RBFOX1: variants seen among roughly 807,000 people sequenced by gnomAD.
RBFOX1 encodes the protein RNA binding protein fox-1 homolog 1.
Under a neutral mutation model 57.7 loss-of-function variants are expected in RBFOX1, and 8 were observed. The ratio of observed to expected loss-of-function variants is 0.14; its 90% CI spans 0.08 to 0.25. RBFOX1 has a LOEUF of 0.25. Among genes scored for constraint, RBFOX1 ranks in the 10% least tolerant of loss-of-function variants. RBFOX1 has a pLI of 1.00. For missense variants in RBFOX1, 611 were observed against 548.5 expected (o/e 1.11, Z -1.14); for synonymous variants, 326 against 222.4 (o/e 1.47, Z -4.15).
intron 1 of RBFOX1, among the ~76,000 whole-genome samples, chr16:5,436,781 C>T (rs966996874): frequency 2.0e-5 from 3 of 151,762 alleles, no homozygotes; most frequent in Non-Finnish European, 4.4e-5. Context: ...GAGGTTGCAG[C>T]GAGCTGAGAT....
intron 3 of RBFOX1, among the ~76,000 whole-genome samples, chr16:5,682,501 G>A (rs1314563229): frequency 6.6e-6 from 1 of 152,114 alleles, no homozygotes; most frequent in Non-Finnish European, 1.5e-5. Context: ...TATTACTTTC[G>A]GTGGAAGAGA....
intron 4 of RBFOX1, among the ~76,000 whole-genome samples, chr16:7,223,904 T>G (rs1372417905): frequency 6.6e-6 from 1 of 151,888 alleles, no homozygotes; most frequent in African/African-American, 2.4e-5. Flanking sequence ...ACCTTACAGT[T>G]TAATTGTACC....
At chr16:7,656,613 T>C (rs2066371620) in intron 12 of RBFOX1, among the ~76,000 whole-genome samples, 2 of 152,218 alleles carry the variant, frequency 1.3e-5, no homozygotes, top group African/African-American at 2.4e-5. Context: ...TCTAAATTCC[T>C]TTGGAGGAAA....
At chr16:6,582,862 GAGCTACAGTTCCAGCTGGTTTTCTA>G (rs2097556259) in intron 2 of RBFOX1, among the ~76,000 whole-genome samples, 1 of 139,874 alleles carries the variant, frequency 7.1e-6, no homozygotes, top group South Asian at 2.3e-4. Flanking sequence ...AGAAACAACT[GAGCTACAGTTCCAGCTGGTTTTCTA>G]AGCTACAGTT....
rs138223682 is a variant in RBFOX1 at position 5,737,430 on chromosome 16, G to C, written c.319-129873G>C. 3.6e-3 allele frequency among the ~76,000 whole-genome samples: 554 copies of C among 152,110 alleles called. 3 individuals carry two copies. The highest frequency in any genetic ancestry group is 0.026 in the East Asian group (133 of 5,162). ...GAACCTAGGAGGTGGAGGTTGCAGTGAGTCGAGATCATGCTGCTACACTGC... is the reference window on the plus strand; with the variant it reads ...GAACCTAGGAGGTGGAGGTTGCAGTCAGTCGAGATCATGCTGCTACACTGC... On this transcript the variant is annotated intron_variant, in intron 3 of 19. Coordinates refer to the RBFOX1 transcript ENST00000641259.
chr16:6,706,791 G>A lies in RBFOX1; in HGVS notation c.-16+52141G>A, dbSNP rs181294953. The stretch of plus-strand genomic sequence containing the variant: ...ACGGCCAGAGCTGACATATTCTTAG[G>A]AATAACAGAAAATTGTCCTGTTTAG... On this transcript the variant is annotated intron_variant, in intron 3 of 15. Coordinates refer to ENST00000550418, the MANE Select transcript of RBFOX1 (RefSeq NM_018723.4). 2.9e-3 allele frequency among the ~76,000 whole-genome samples: 432 copies of A among 150,976 alleles called. 1 individual carries two copies. The highest frequency in any genetic ancestry group is 4.6e-3 in the Non-Finnish European group (310 of 67,900).
Position 7,436,886 on chromosome 16 carries a change from G to GC in RBFOX1, c.28-81257dup, listed in dbSNP as rs373792169. 5.3e-3 allele frequency among the ~76,000 whole-genome samples: 800 copies of GC among 152,116 alleles called. 11 individuals carry two copies. Among genetic ancestry groups the GC allele is most frequent in the African/African-American group, 0.019 (773 of 41,490 alleles). On this transcript the variant is annotated intron_variant, in intron 4 of 15. Transcript: ENST00000550418. ...AGACCAGCCTGGCAAATATGGCGAAGCCCCATCACTACTAAAAATACAAAA... is the reference window on the plus strand; with the variant it reads ...AGACCAGCCTGGCAAATATGGCGAAGCCCCCATCACTACTAAAAATACAAAA...
At chr16:6,526,854 A>C (rs1259249834) in intron 2 of RBFOX1, among the ~76,000 whole-genome samples, 31 of 138,460 alleles carry the variant, frequency 2.2e-4, no homozygotes, top group African/African-American at 7.2e-4. Flanking sequence ...AAAAAAAAAA[A>C]AAAAACAACC....
intron 3 of RBFOX1, among the ~76,000 whole-genome samples, chr16:6,936,936 C>T (rs2077465954): frequency 9.2e-6 from 1 of 108,370 alleles, no homozygotes; most frequent in African/African-American, 3.8e-5. Context: ...CTCATTGGGA[C>T]TGTTGTGGGG....
Position 6,019,644 on chromosome 16 carries a change from C to T in RBFOX1, c.-475C>T. The T allele has an allele frequency of 7.7e-7, 1 of 1,295,936 alleles. No homozygotes were observed. Among genetic ancestry groups the T allele is most frequent in the Non-Finnish European group, 9.8e-7 (1 of 1,021,754 alleles). The allele number at this position is 1,295,936 out of a possible 1,614,324, so 80.3% of individuals were successfully genotyped here. On this transcript the variant is annotated 5_prime_UTR_variant, in exon 1 of 16. Coordinates refer to ENST00000550418, the MANE Select transcript of RBFOX1 (RefSeq NM_018723.4). The surrounding 1 kb of genome is among the most constrained non-coding windows in gnomAD (Gnocchi z 4.2). Reference sequence around the variant, plus strand: ...GCACCCCACATCTGGAGGGGACAGCCAGCCGTGGGCCCCGCCCCGGCGTCC... The same window carrying T: ...GCACCCCACATCTGGAGGGGACAGCTAGCCGTGGGCCCCGCCCCGGCGTCC...
intron 14 of RBFOX1, among the ~76,000 whole-genome samples, chr16:7,705,463 C>G (rs1355237768): frequency 6.6e-6 from 1 of 151,456 alleles, no homozygotes; most frequent in Non-Finnish European, 1.5e-5. Context: ...CAAGATTGTG[C>G]CACTGCACTC....
intron 2 of RBFOX1, among the ~76,000 whole-genome samples, chr16:6,565,526 G>A (rs573310354): frequency 5.3e-5 from 8 of 151,786 alleles, no homozygotes; most frequent in South Asian, 4.2e-4. Context: ...CAAAGTGCTC[G>A]GATTACAGGT....
chr16:6,017,126 A>T (rs186318970), upstream of RBFOX1, among the ~76,000 whole-genome samples: 1 of 152,224 alleles, frequency 6.6e-6, no homozygotes, highest in African/African-American at 2.4e-5. Flanking sequence ...ATATGTATTA[A>T]AAATAATCAA....
At position 5,982,278 on chromosome 16, in the gene RBFOX1, T is replaced by G. The variant is rs2060189591; in HGVS notation, c.351+114943T>G. On this transcript the variant is annotated intron_variant, in intron 4 of 19. Coordinates refer to the RBFOX1 transcript ENST00000641259. ...TAGGGCCTTTGCACATGAATTTTTTTTTTTCTTTTTTTTGAGATGGAGTCT... is the reference window on the plus strand; with the variant it reads ...TAGGGCCTTTGCACATGAATTTTTTGTTTTCTTTTTTTTGAGATGGAGTCT... Among the ~76,000 whole-genome samples the G allele has an allele frequency of 2.0e-5, 3 of 152,046 alleles. No homozygotes were observed. The South Asian group carries it at 6.2e-4, about 32-fold the overall frequency.
At chr16:6,889,308 G>C (rs1020221690) in intron 3 of RBFOX1, among the ~76,000 whole-genome samples, 2 of 152,176 alleles carry the variant, frequency 1.3e-5, no homozygotes, top group Non-Finnish European at 2.9e-5. Context: ...ATAGGTGATG[G>C]ATGTCACTTT....
At chr16:7,206,483 A>G (rs777355681) in intron 4 of RBFOX1, among the ~76,000 whole-genome samples, 9 of 149,182 alleles carry the variant, frequency 6.0e-5, no homozygotes, top group Non-Finnish European at 1.2e-4. Flanking sequence ...GTGCATATAT[A>G]TATGCACACA....
intron 7 of RBFOX1, among the ~76,000 whole-genome samples, chr16:7,590,694 G>A (rs1224564752): frequency 2.0e-5 from 3 of 151,648 alleles, no homozygotes; most frequent in Non-Finnish European, 2.9e-5. Flanking sequence ...ACCTTGTCTT[G>A]ACTAAAAATA....
Position 7,679,334 on chromosome 16 carries a change from T to C in RBFOX1, c.995+2496T>C, listed in dbSNP as rs569906925. Among the ~76,000 whole-genome samples, 23 of 152,336 alleles carry C rather than the reference T, an allele frequency of 1.5e-4. No homozygotes were observed. In the South Asian group the frequency reaches 4.6e-3, roughly 30 times the overall value. ...GAAGTAGCAATTGTGTAACCAATTA[T>C]TTTTATATCATCACAGCATAGAATC... On this transcript the variant is annotated intron_variant, in intron 14 of 15. Transcript: ENST00000550418.
chr16:5,990,671 G>C (rs1026149819), intron 4 of RBFOX1, among the ~76,000 whole-genome samples: 3 of 152,096 alleles, frequency 2.0e-5, no homozygotes, highest in African/African-American at 7.2e-5. Flanking sequence ...GGCTTGTAAA[G>C]AGGAAGTGAA....
Sources: gnomAD v4.1 joint callset for allele counts (sites outside exome capture counted in the v4.1 genomes callset) on GRCh38, gnomAD v4.1.1 for gene constraint, Gnocchi (gnomAD v3.1) non-coding constraint, MANE v1.5 for transcripts, NCBI Gene and HGNC (gene_info 2026-07-23, HGNC 2026-07-21) for gene names.